The following PEG3 variants were observed in gnomAD, a reference collection of about 807,000 sequenced individuals.
PEG3 encodes paternally expressed 3, also known as paternally-expressed gene 3 protein.
PEG3 carries 23 observed loss-of-function variants against 35.5 expected under a neutral mutation model. The ratio of observed to expected loss-of-function variants is 0.65; its 90% CI spans 0.47 to 0.92. The LOEUF is 0.92. Among genes scored for constraint, PEG3 ranks in the 40% least tolerant of loss-of-function variants. PEG3 has a pLI of 0.00. For synonymous variants in PEG3, 707 were observed against 697.0 expected, an observed-to-expected ratio of 1.01 and a Z score of -0.23; for missense variants, 1,960 against 1,985.3, an observed-to-expected ratio of 0.99 and a Z score of 0.24.
chr19:56,823,490 A>G, intron 5 of PEG3, 103 bp downstream of exon 5: 1 of 1,368,706 alleles, frequency 7.3e-7, no homozygotes, highest in Non-Finnish European at 1.0e-6. Flanking sequence ...CCACTCGGGG[A>G]TGGCGGGTCA....
chr19:56,820,453 A>C (rs192403548), intron 7 of PEG3, among the ~76,000 whole-genome samples: 246 of 152,302 alleles, frequency 1.6e-3, no homozygotes, highest in African/African-American at 5.6e-3. Context: ...AAACAAGACA[A>C]AGCCCAACTA....
intron 1 of PEG3, 28 bp from the exon 2 acceptor site, chr19:56,836,132 C>T (rs976576799): frequency 3.3e-5 from 15 of 453,554 alleles, no homozygotes; most frequent in Non-Finnish European, 6.7e-5. Flanking sequence ...ATGTGAGACG[C>T]CAAGTTTATT....
intron 1 of PEG3, among the ~76,000 whole-genome samples, chr19:56,836,634 G>A (rs1003832615): frequency 6.6e-6 from 1 of 152,150 alleles, no homozygotes; most frequent in African/African-American, 2.4e-5. Flanking sequence ...TATTCCAAGA[G>A]TCAGGTGGGC....
At chr19:56,832,970 T>C (rs1000839110) in intron 2 of PEG3, among the ~76,000 whole-genome samples, 2 of 152,306 alleles carry the variant, frequency 1.3e-5, no homozygotes, top group East Asian at 3.9e-4. Flanking sequence ...TTACAATTAA[T>C]ATAACACATA....
At chr19:56,825,993 T>C in intron 3 of PEG3, among the ~76,000 whole-genome samples, 1 of 152,190 alleles carries the variant, frequency 6.6e-6, no homozygotes, top group East Asian at 1.9e-4. Context: ...TCCTGCATAT[T>C]ATCATCCCAT....
Position 56,812,260 on chromosome 19 carries a change from G to A in PEG3, c.*1415C>T. 1 of 972,300 alleles carries A rather than the reference G, an allele frequency of 1.0e-6. No homozygotes were observed. The highest frequency in any genetic ancestry group is 4.8e-5 in the South Asian group (1 of 21,018). 60.2% of individuals were successfully genotyped at this position (972,300 alleles called of 1,614,324 possible). ...AATAGGACACAAGAAACCTCAAGCTGTGAGGTCAATTTGTAATTAAAAGAA... is the reference window on the plus strand; with the variant it reads ...AATAGGACACAAGAAACCTCAAGCTATGAGGTCAATTTGTAATTAAAAGAA... On this transcript the variant is annotated 3_prime_UTR_variant, in exon 10 of 10. Transcript: ENST00000326441.
intron 6 of PEG3, among the ~76,000 whole-genome samples, chr19:56,822,014 C>T (rs1454241538): frequency 6.6e-6 from 1 of 152,124 alleles, no homozygotes; most frequent in Non-Finnish European, 1.5e-5. Flanking sequence ...TGTGCCCAAG[C>T]TGTGTGGGTC....
rs1198133097 is a variant in PEG3 at position 56,810,404 on chromosome 19, T to A, written c.*3271A>T. The A allele has an allele frequency of 1.0e-6, 1 of 985,204 alleles. No individual in the cohort carries two copies. The highest frequency in any genetic ancestry group is 1.7e-5 in the African/African-American group (1 of 57,214). 61.0% of individuals were successfully genotyped at this position (985,204 alleles called of 1,614,324 possible). A position where few individuals can be genotyped will look rare whatever the true frequency, so the allele number is the denominator to read the frequency against. ...CAACAACCACACAACTATTTCTTGT[T>A]TTTCATCTTTCTTCCCATCTTTGAC... On this transcript the variant is annotated 3_prime_UTR_variant, in exon 10 of 10. Transcript: ENST00000326441.
Position 56,815,830 on chromosome 19 carries a change from T to G in PEG3, c.2612A>C (p.Lys871Thr). The change falls in exon 10 of 10, where the codon AAG (lysine) becomes ACG (threonine). Residue 871 changes from lysine to threonine, a missense_variant. By Grantham distance (78) the Lys-to-Thr change is moderately conservative (BLOSUM62 -1). Around this residue, in one of 5 missense-constraint regions of PEG3, gnomAD observed 798 missense variants for 782.4 expected, o/e 1.02. Transcript: ENST00000326441. ...SSIYISDLND[K>T]RQKIPARENP... is the part of the protein sequence containing the mutation. ...CTCTCTGGCAGGAATCTTCTGTCGC[T>G]TATCATTAAGGTCTGAGATATAAAT... 1.2e-6 allele frequency: 2 copies of G among 1,613,610 alleles called. No individual in the cohort carries two copies. The highest frequency in any genetic ancestry group is 1.7e-6 in the Non-Finnish European group (2 of 1,179,648).
chr19:56,822,592 T>C, intron 6 of PEG3, 161 bp downstream of exon 6: 1 of 889,394 alleles, frequency 1.1e-6, no homozygotes, highest in Non-Finnish European at 1.7e-6. Flanking sequence ...TGGTACCGAG[T>C]GGAACTTCAA....
Position 56,810,642 on chromosome 19 carries a change from G to C in PEG3, c.*3033C>G. ...ACCAAAGATTATTTAAGGAATTTGAGACAAAATATTTAACCAAATTCCCAC... is the reference window on the plus strand; with the variant it reads ...ACCAAAGATTATTTAAGGAATTTGACACAAAATATTTAACCAAATTCCCAC... On this transcript the variant is annotated 3_prime_UTR_variant, in exon 10 of 10. Transcript: ENST00000326441. 1.1e-6 allele frequency: 1 copy of C among 945,022 alleles called. No individual in the cohort carries two copies. Among genetic ancestry groups the C allele is most frequent in the Middle Eastern group, 5.4e-4 (1 of 1,842 alleles). The allele number at this position is 945,022 out of a possible 1,614,324, so 58.5% of individuals were successfully genotyped here.
At chr19:56,838,353 C>T (rs540880814) in intron 1 of PEG3, among the ~76,000 whole-genome samples, 3 of 152,312 alleles carry the variant, frequency 2.0e-5, no homozygotes, top group East Asian at 1.9e-4. Context: ...CAATCAACCT[C>T]GGGCGCCACC....
At chr19:56,821,293 G>A (rs547314273) in intron 7 of PEG3, among the ~76,000 whole-genome samples, 1 of 152,278 alleles carries the variant, frequency 6.6e-6, no homozygotes, top group South Asian at 2.1e-4. Context: ...GTGCTCCCTG[G>A]CCAGTCTACT....
At position 56,824,307 on chromosome 19, in the gene PEG3, G is replaced by C. The variant is rs776225813; in HGVS notation, c.349C>G (p.Leu117Val). 6.8e-6 allele frequency: 11 copies of C among 1,614,094 alleles called. No individual in the cohort carries two copies. In the South Asian group the frequency reaches 8.8e-5, roughly 13 times the overall value. ...RAKKPENCEKLVTLLENYKEM... is the reference protein window; with the variant it reads ...RAKKPENCEKVVTLLENYKEM... ...TTGTAATTCTCCAGCAGAGTGACGAGCTTCTCACAGTTCTCCGGCTTTTTT... is the reference window on the plus strand; with the variant it reads ...TTGTAATTCTCCAGCAGAGTGACGACCTTCTCACAGTTCTCCGGCTTTTTT... Residue 117 changes from leucine to valine, a missense_variant, in exon 4 of 10, where the codon CTC (leucine) becomes GTC (valine). By Grantham distance (32) the Leu-to-Val change is conservative. Around this residue, in one of 5 missense-constraint regions of PEG3, gnomAD observed 613 missense variants for 577.1 expected, o/e 1.06. Coordinates refer to ENST00000326441, the MANE Select transcript of PEG3 (RefSeq NM_006210.3).
Position 56,822,803 on chromosome 19 carries a change from C to G in PEG3, c.515G>C (p.Arg172Thr). 1 of 1,614,154 alleles carries G rather than the reference C, an allele frequency of 6.2e-7. No homozygotes were observed. Among genetic ancestry groups the G allele is most frequent in the Non-Finnish European group, 8.5e-7 (1 of 1,180,034 alleles). ...DRDWDRRGRS[R>T]DMEPRDRWSH... The stretch of plus-strand genomic sequence containing the variant: ...CCAGCGGTCTCGTGGCTCCATGTCT[C>G]TGCTTCTGCCCCTCCGGTCCCAGTC... The change falls in exon 6 of 10, where the codon AGA (arginine) becomes ACA (threonine). Residue 172 changes from arginine to threonine, a missense_variant. By Grantham distance (71) the Arg-to-Thr change is moderately conservative (BLOSUM62 -1). This residue lies in a region of PEG3 where 613 missense variants were observed against 577.1 expected (regional missense o/e 1.06). Coordinates refer to ENST00000326441, the MANE Select transcript of PEG3 (RefSeq NM_006210.3).
In PEG3 at chr19:56,817,593, C is replaced by T. The variant is rs748531125; in HGVS notation, c.863-14G>A. On this transcript the variant is annotated splice_polypyrimidine_tract_variant and intron_variant, in intron 9 of 9. Coordinates refer to ENST00000326441, the MANE Select transcript of PEG3 (RefSeq NM_006210.3). ...TAGTTTTTAGACCTGGAAAGAAACC[C>T]CAAATGTAAATACTCCCTAGTCCCC... is the stretch of plus-strand genomic sequence containing the variant. 3.8e-6 allele frequency: 6 copies of T among 1,574,506 alleles called. No homozygotes were observed. In the African/African-American group the frequency reaches 5.4e-5, roughly 14 times the overall value.
At position 56,824,370 on chromosome 19, in the gene PEG3, T is replaced by C. The variant is rs1488702244; in HGVS notation, c.286A>G (p.Thr96Ala). 1.9e-6 allele frequency: 3 copies of C among 1,614,062 alleles called. No individual in the cohort carries two copies. Among genetic ancestry groups the C allele is most frequent in the African/African-American group, 2.7e-5 (2 of 74,936 alleles). Residue 96 changes from threonine to alanine, a missense_variant, in exon 4 of 10, where the codon ACC (threonine) becomes GCC (alanine). By Grantham distance (58) the Thr-to-Ala change is moderately conservative. Around this residue, in one of 5 missense-constraint regions of PEG3, gnomAD observed 613 missense variants for 577.1 expected, o/e 1.06. Transcript: ENST00000326441. Reference sequence around the variant, plus strand: ...GGCTTGAGCTTTTCAGGGATGATGGTCAGGTACTGCTCAAGGACCAAGAGC... The same window carrying C: ...GGCTTGAGCTTTTCAGGGATGATGGCCAGGTACTGCTCAAGGACCAAGAGC... ...IELLVLEQYL[T>A]IIPEKLKPWV... is the part of the protein sequence containing the mutation.
intron 1 of PEG3, among the ~76,000 whole-genome samples, chr19:56,836,580 G>C (rs2062131277): frequency 6.6e-6 from 1 of 152,206 alleles, no homozygotes; most frequent in Admixed American, 6.5e-5. Flanking sequence ...CAATCAATTA[G>C]AGGTCCCTGG....
chr19:56,834,006 T>C (rs1481566274), intron 2 of PEG3, among the ~76,000 whole-genome samples: 1 of 152,142 alleles, frequency 6.6e-6, no homozygotes, highest in Non-Finnish European at 1.5e-5. Context: ...TCCCCAAAAG[T>C]TTAGAAAGAG....
Sources: gnomAD v4.1 joint callset for allele counts (sites outside exome capture counted in the v4.1 genomes callset) on GRCh38, gnomAD v4.1.1 for gene constraint, gnomAD v4.1.1 regional missense constraint, MANE v1.5 for transcripts, NCBI Gene and HGNC (gene_info 2026-07-23, HGNC 2026-07-21) for gene names.